The following PTPRM variants were observed in gnomAD, a reference collection of about 807,000 sequenced individuals.
The protein encoded by PTPRM is protein tyrosine phosphatase receptor type M, also known as receptor-type tyrosine-protein phosphatase mu.
A neutral mutation model predicts 186.7 loss-of-function variants in PTPRM; 47 were observed. The ratio of observed to expected loss-of-function variants is 0.25; its 90% confidence interval spans 0.20 to 0.32. The LOEUF is 0.32. Among genes scored for constraint, PTPRM ranks in the 10% least tolerant of loss-of-function variants. The pLI, the probability that PTPRM is intolerant of heterozygous loss-of-function variation, is 1.00. For missense variants in PTPRM, 1,494 were observed against 1,865.0 expected, an observed-to-expected ratio of 0.80 and a Z score of 3.66; for synonymous variants, 668 against 674.9, an observed-to-expected ratio of 0.99 and a Z score of 0.16.
Position 8,227,124 on chromosome 18 carries a change from A to T in PTPRM, c.2301-16934A>T, listed in dbSNP as rs192042369. Among the ~76,000 whole-genome samples, 8 of 152,354 alleles carry T rather than the reference A, an allele frequency of 5.3e-5. No homozygotes were observed. The East Asian group carries it at 1.5e-3, about 29-fold the overall frequency. ...AATGTACCAGATTGGTGCAAAAGTA[A>T]TTGCGACTTTTGTCGTTACTTTTAA... is the stretch of plus-strand genomic sequence containing the variant. On this transcript the variant is annotated intron_variant, in intron 14 of 32. Transcript: ENST00000580170.
chr18:8,214,190 AT>A (rs1052222612), intron 14 of PTPRM, among the ~76,000 whole-genome samples: 1 of 152,158 alleles, frequency 6.6e-6, no homozygotes, highest in Non-Finnish European at 1.5e-5. Flanking sequence ...GTGCACTAAT[AT>A]CCCAGACTTC....
chr18:7,732,720 G>A (rs1466261398), intron 1 of PTPRM, among the ~76,000 whole-genome samples: 2 of 152,028 alleles, frequency 1.3e-5, no homozygotes, highest in Non-Finnish European at 2.9e-5. Context: ...GCCCAGGCTG[G>A]TCTCGAACTC....
chr18:8,084,871 A>G (rs2090348822), intron 9 of PTPRM, among the ~76,000 whole-genome samples: 1 of 151,974 alleles, frequency 6.6e-6, no homozygotes, highest in Non-Finnish European at 1.5e-5. Flanking sequence ...CCTATGTTAT[A>G]TTTATTTTCA....
chr18:8,078,870 G>A (rs1299335740), intron 9 of PTPRM, among the ~76,000 whole-genome samples: 1 of 152,104 alleles, frequency 6.6e-6, no homozygotes, highest in Non-Finnish European at 1.5e-5. Context: ...CTCAGAGCAA[G>A]AATTCACTCA....
chr18:7,993,801 A>G (rs1381956278), intron 7 of PTPRM, among the ~76,000 whole-genome samples: 12 of 152,128 alleles, frequency 7.9e-5, no homozygotes, highest in African/African-American at 2.7e-4. Context: ...AACTTATTGA[A>G]AGAGCAGATA....
intron 1 of PTPRM, among the ~76,000 whole-genome samples, chr18:7,578,538 T>G (rs920493662): frequency 5.3e-5 from 8 of 152,020 alleles, no homozygotes; most frequent in Admixed American, 5.2e-4. Flanking sequence ...GGTTTCACTG[T>G]GTTAGCCAGG....
intron 2 of PTPRM, among the ~76,000 whole-genome samples, chr18:7,796,361 A>AC (rs1191928456): frequency 1.3e-5 from 2 of 152,156 alleles, no homozygotes; most frequent in Non-Finnish European, 2.9e-5. Flanking sequence ...CACATGCGTA[A>AC]CCTATAAGAG....
chr18:8,023,343 A>G (rs936973319), intron 7 of PTPRM, among the ~76,000 whole-genome samples: 3 of 152,204 alleles, frequency 2.0e-5, no homozygotes, highest in Non-Finnish European at 2.9e-5. Context: ...AAGTTCTTGT[A>G]TGTTCTCAGG....
At chr18:7,569,142 A>C (rs1286601404) in intron 1 of PTPRM, among the ~76,000 whole-genome samples, 1 of 152,194 alleles carries the variant, frequency 6.6e-6, no homozygotes, top group Non-Finnish European at 1.5e-5. Flanking sequence ...TATTTTAAGC[A>C]GTAAAAACCT....
intron 2 of PTPRM, among the ~76,000 whole-genome samples, chr18:7,877,624 TG>T (rs1237263022): frequency 2.6e-5 from 4 of 152,204 alleles, no homozygotes; most frequent in African/African-American, 9.6e-5. Context: ...TTAGGAAACT[TG>T]CAAAAGAGAG....
chr18:7,938,425 C>T (rs1297634041), intron 5 of PTPRM, among the ~76,000 whole-genome samples: 1 of 152,180 alleles, frequency 6.6e-6, no homozygotes, highest in Non-Finnish European at 1.5e-5. Flanking sequence ...TCTCCCCATA[C>T]TAGAGTGCTA....
intron 23 of PTPRM, among the ~76,000 whole-genome samples, chr18:8,366,534 G>C (rs1205577354): frequency 1.3e-5 from 2 of 152,192 alleles, no homozygotes; most frequent in Non-Finnish European, 2.9e-5. Context: ...GCCATCCTCT[G>C]ACTTTAATTT....
At chr18:8,396,513 C>G (rs2148612360) in intron 32 of PTPRM, among the ~76,000 whole-genome samples, 2 of 152,264 alleles carry the variant, frequency 1.3e-5, no homozygotes, top group Non-Finnish European at 2.9e-5. Context: ...GGGCTTTTTC[C>G]AAATCAGTGG....
chr18:8,177,145 T>C (rs2093496634), intron 14 of PTPRM, among the ~76,000 whole-genome samples: 1 of 152,216 alleles, frequency 6.6e-6, no homozygotes, highest in African/African-American at 2.4e-5. Flanking sequence ...GACTTAAGTA[T>C]TTTTTAACCT....
At chr18:8,053,644 C>T (rs879621618) in intron 7 of PTPRM, among the ~76,000 whole-genome samples, 13 of 152,192 alleles carry the variant, frequency 8.5e-5, no homozygotes, top group Admixed American at 5.2e-4. Flanking sequence ...GACCTTTGCA[C>T]GTCTTTATTT....
intron 11 of PTPRM, among the ~76,000 whole-genome samples, chr18:8,093,371 A>C (rs1485328532): frequency 1.3e-5 from 2 of 152,204 alleles, no homozygotes; most frequent in Non-Finnish European, 2.9e-5. Context: ...TTGCCTTAGC[A>C]GTAGTTCTCA....
At chr18:8,200,844 A>C (rs1349964701) in intron 14 of PTPRM, among the ~76,000 whole-genome samples, 1 of 152,224 alleles carries the variant, frequency 6.6e-6, no homozygotes, top group East Asian at 1.9e-4. Flanking sequence ...TTTACTCCTA[A>C]ATACCTGGGA....
chr18:8,326,597 A>G (rs528055692), intron 22 of PTPRM, among the ~76,000 whole-genome samples: 1 of 152,292 alleles, frequency 6.6e-6, no homozygotes, highest in South Asian at 2.1e-4. Flanking sequence ...ACGTAGACCA[A>G]CAGAACAGAA....
chr18:7,716,833 T>C (rs1253389587), intron 1 of PTPRM, among the ~76,000 whole-genome samples: 1 of 152,148 alleles, frequency 6.6e-6, no homozygotes, highest in African/African-American at 2.4e-5. Context: ...AAATAACAGA[T>C]GCTGGAGAGA....
Sources: gnomAD v4.1 joint callset for allele counts (sites outside exome capture counted in the v4.1 genomes callset) on GRCh38, gnomAD v4.1.1 for gene constraint, MANE v1.5 for transcripts, NCBI Gene and HGNC (gene_info 2026-07-23, HGNC 2026-07-21) for gene names.